The following FNDC3B variants were observed in gnomAD, a reference collection of about 807,000 sequenced individuals.
The protein encoded by FNDC3B is fibronectin type III domain containing 3B, also known as fibronectin type III domain-containing protein 3B.
A neutral mutation model predicts 151.5 loss-of-function variants in FNDC3B; 12 were observed. That is an observed-to-expected ratio of 0.08 (90% CI 0.05 to 0.13). The LOEUF (loss-of-function observed/expected upper bound fraction) is 0.13. Among genes scored for constraint, FNDC3B ranks in the 10% least tolerant of loss-of-function variants. The pLI is 1.00. For missense variants in FNDC3B, 1,214 were observed against 1,505.3 expected (o/e 0.81, Z 3.20); for synonymous variants, 528 against 549.0 (o/e 0.96, Z 0.54).
At position 172,353,440 on chromosome 3, in the gene FNDC3B, A is replaced by C. The variant is rs370105697; in HGVS notation, c.2795+357A>C. 5.3e-5 allele frequency among the ~76,000 whole-genome samples: 8 copies of C among 152,360 alleles called. No individual in the cohort carries two copies. The South Asian group carries it at 1.2e-3, about 24-fold the overall frequency. On this transcript the variant is annotated intron_variant, in intron 22 of 25. Coordinates refer to ENST00000415807, the MANE Select transcript of FNDC3B (RefSeq NM_022763.4). ...TTCCAGAAATTGTGCCGACCTTAAC[A>C]GTGGCTTAAATGATGGTAAAACTTT...
chr3:172,188,553 G>A (rs1255641529), intron 3 of FNDC3B, among the ~76,000 whole-genome samples: 2 of 151,936 alleles, frequency 1.3e-5, no homozygotes, highest in Non-Finnish European at 2.9e-5. Context: ...CTTCAGGCGG[G>A]TGCCACCACG....
intron 11 of FNDC3B, among the ~76,000 whole-genome samples, chr3:172,319,812 A>G (rs564030144): frequency 6.6e-6 from 1 of 152,340 alleles, no homozygotes; most frequent in Non-Finnish European, 1.5e-5. Flanking sequence ...GCTTCTAAAT[A>G]TAGACACTCT....
At chr3:172,053,018 C>A (rs1009428713) in intron 1 of FNDC3B, among the ~76,000 whole-genome samples, 2 of 152,150 alleles carry the variant, frequency 1.3e-5, no homozygotes, top group Non-Finnish European at 1.5e-5. Context: ...GTAATAGTGG[C>A]CAACAATTTT....
chr3:172,140,348 A>G (rs905612054), intron 3 of FNDC3B, among the ~76,000 whole-genome samples: 3 of 152,108 alleles, frequency 2.0e-5, no homozygotes, highest in African/African-American at 7.2e-5. Context: ...CGATTTTTCC[A>G]TTTTCCATGA....
intron 3 of FNDC3B, among the ~76,000 whole-genome samples, chr3:172,144,748 A>C (rs1408303771): frequency 2.6e-5 from 4 of 151,900 alleles, no homozygotes; most frequent in African/African-American, 9.7e-5. Flanking sequence ...CTTTTCCTCA[A>C]CTTGGGTATT....
intron 3 of FNDC3B, among the ~76,000 whole-genome samples, chr3:172,224,056 A>G (rs1560026074): frequency 6.6e-6 from 1 of 152,222 alleles, no homozygotes; most frequent in African/African-American, 2.4e-5. Context: ...GGGGAATAAA[A>G]CCAGGCAGAT....
intron 3 of FNDC3B, among the ~76,000 whole-genome samples, chr3:172,209,258 G>A (rs962428531): frequency 6.6e-6 from 1 of 152,178 alleles, no homozygotes; most frequent in African/African-American, 2.4e-5. Flanking sequence ...TGCTGGCAGA[G>A]GGCGGGAGGG....
intron 4 of FNDC3B, among the ~76,000 whole-genome samples, chr3:172,246,798 G>A (rs1351681219): frequency 6.6e-6 from 1 of 152,176 alleles, no homozygotes; most frequent in Non-Finnish European, 1.5e-5. Flanking sequence ...AAAAAGAATG[G>A]ATAGAGTGTT....
At chr3:172,271,988 C>A (rs1729222787) in intron 6 of FNDC3B, among the ~76,000 whole-genome samples, 1 of 152,126 alleles carries the variant, frequency 6.6e-6, no homozygotes, top group Non-Finnish European at 1.5e-5. Flanking sequence ...GAATAGGAAA[C>A]ACATCGTAGC....
Position 172,195,513 on chromosome 3 carries a change from C to T in FNDC3B, c.188-31358C>T, listed in dbSNP as rs543069991. 2.6e-5 allele frequency among the ~76,000 whole-genome samples: 4 copies of T among 152,344 alleles called. No homozygotes were observed. The South Asian group carries it at 6.2e-4, about 24-fold the overall frequency. ...GTTTCAGATGCTTAAAGCTCCACAACACACGTTAAGAATCTGAGAAGTTGT... is the reference window on the plus strand; with the variant it reads ...GTTTCAGATGCTTAAAGCTCCACAATACACGTTAAGAATCTGAGAAGTTGT... On this transcript the variant is annotated intron_variant, in intron 3 of 25. Coordinates refer to ENST00000415807, the MANE Select transcript of FNDC3B (RefSeq NM_022763.4).
intron 6 of FNDC3B, among the ~76,000 whole-genome samples, chr3:172,255,643 C>T (rs1042346633): frequency 6.6e-6 from 1 of 152,052 alleles, no homozygotes. Context: ...TGGTCTCCAA[C>T]TCCTGGCCTC....
At chr3:172,046,637 A>G (rs1369956412) in intron 1 of FNDC3B, among the ~76,000 whole-genome samples, 1 of 152,036 alleles carries the variant, frequency 6.6e-6, no homozygotes, top group East Asian at 1.9e-4. Context: ...TTTTGTTTTT[A>G]TAATATCATT....
chr3:172,107,657 C>T (rs1204638490), intron 1 of FNDC3B, among the ~76,000 whole-genome samples: 1 of 152,072 alleles, frequency 6.6e-6, no homozygotes, highest in African/African-American at 2.4e-5. Context: ...TGCGGTTATC[C>T]AGAGATCACA....
At chr3:172,375,727 A>G (rs1257188649) in intron 23 of FNDC3B, among the ~76,000 whole-genome samples, 2 of 152,314 alleles carry the variant, frequency 1.3e-5, no homozygotes, top group South Asian at 2.1e-4. Context: ...AGTGGGCTAC[A>G]TTAGAGGACT....
chr3:172,352,794 G>T lies in FNDC3B; in HGVS notation c.2515-9G>T, dbSNP rs755412117. The stretch of plus-strand genomic sequence containing the variant: ...AATATGGCCTTTGTCTTGCTGTTCT[G>T]TTTTGTAGGCCTTCAATCAAGCAGG... On this transcript the variant is annotated splice_polypyrimidine_tract_variant and intron_variant, in intron 21 of 25. Transcript: ENST00000415807. The surrounding 1 kb of genome is among the most constrained non-coding windows in gnomAD (Gnocchi z 4.2). The T allele has an allele frequency of 1.9e-6, 3 of 1,612,046 alleles. No homozygotes were observed. Among genetic ancestry groups the T allele is most frequent in the South Asian group, 1.1e-5 (1 of 91,002 alleles).
intron 4 of FNDC3B, among the ~76,000 whole-genome samples, chr3:172,238,402 G>T (rs1315305949): frequency 6.6e-6 from 1 of 152,124 alleles, no homozygotes; most frequent in Non-Finnish European, 1.5e-5. Flanking sequence ...GCAGTCGCCC[G>T]CCTTGGCCTC....
At position 172,251,429 on chromosome 3, in the gene FNDC3B, G is replaced by A. The variant is rs746622582; in HGVS notation, c.678G>A (p.Gly226=). 1 of 1,614,106 alleles carries A rather than the reference G, an allele frequency of 6.2e-7. No individual in the cohort carries two copies. Residue 226 remains glycine (G), a synonymous_variant, in exon 6 of 26, where the codon GGG becomes GGA. Transcript: ENST00000415807. ...GCACAACAGTATACAATGGCTATGG[G>A]AAGGGCCATAGTGGTGGAAGTGGCG... ...SSCTTVYNGY[G]KGHSGGSGGG...
At position 172,224,983 on chromosome 3, in the gene FNDC3B, G is replaced by T. The variant is rs921388575; in HGVS notation, c.188-1888G>T. The stretch of plus-strand genomic sequence containing the variant: ...TTTAATCGTTAGATCTTTGAAAGGT[G>T]TCTGAAGTTGATTTTGATGTAACAA... On this transcript the variant is annotated intron_variant, in intron 3 of 25. Transcript: ENST00000415807. 2.6e-5 allele frequency among the ~76,000 whole-genome samples: 4 copies of T among 152,176 alleles called. No homozygotes were observed. In the South Asian group the frequency reaches 6.2e-4, roughly 24 times the overall value.
chr3:172,370,759 A>T (rs995046986), intron 23 of FNDC3B, among the ~76,000 whole-genome samples: 6 of 152,228 alleles, frequency 3.9e-5, no homozygotes, highest in African/African-American at 1.4e-4. Context: ...ATTCACAAAC[A>T]CATAGAACTT....
Sources: allele counts gnomAD v4.1 joint callset (sites outside exome capture counted in the v4.1 genomes callset), GRCh38; gene constraint gnomAD v4.1.1; non-coding constraint Gnocchi (gnomAD v3.1); transcripts MANE v1.5; gene names NCBI Gene and HGNC (gene_info 2026-07-23, HGNC 2026-07-21).